ACACA: variants seen among roughly 807,000 people sequenced by gnomAD.
ACACA encodes the protein acetyl-CoA carboxylase alpha, also known as acetyl-CoA carboxylase 1.
In ACACA, 103 loss-of-function variants were observed where a neutral mutation model predicts 296.1. The ratio of observed to expected loss-of-function variants is 0.35; its 90% CI spans 0.30 to 0.41. The LOEUF is 0.41. Among genes scored for constraint, ACACA ranks in the 10% least tolerant of loss-of-function variants. The pLI is 1.00. For synonymous variants in ACACA, 953 were observed against 1,038.6 expected (o/e 0.92, Z 1.58); for missense variants, 1,554 against 2,989.7 (o/e 0.52, Z 11.20).
chr17:37,135,333 T>C (rs2075286996), intron 45 of ACACA, among the ~76,000 whole-genome samples: 1 of 152,222 alleles, frequency 6.6e-6, no homozygotes, highest in Non-Finnish European at 1.5e-5. Flanking sequence ...CCCCACTTTA[T>C]TGCCACTACT....
In ACACA at chr17:37,177,269, C is replaced by CGTGTGT. The variant is rs112439511; in HGVS notation, c.5079+1985_5079+1990dup. ...AAAAACCTTTAATTTTTAAAAAATT[C>CGTGTGT]GTGTGTGTGTGTGTGTGTGTGTGTG... On this transcript the variant is annotated intron_variant, in intron 41 of 55. Transcript: ENST00000616317. 3.2e-3 allele frequency among the ~76,000 whole-genome samples: 468 copies of CGTGTGT among 146,528 alleles called. 1 individual carries two copies. Among genetic ancestry groups the CGTGTGT allele is most frequent in the African/African-American group, 0.01 (402 of 39,932 alleles).
At chr17:37,391,653 C>G in intron 1 of ACACA, 1 of 1,613,684 alleles carries the variant, frequency 6.2e-7, no homozygotes, top group Non-Finnish European at 8.5e-7. Flanking sequence ...CTAGGTTGGA[C>G]AAGATGCTGC....
chr17:37,258,088 G>C, intron 13 of ACACA, 124 bp downstream of exon 13: 1 of 1,289,994 alleles, frequency 7.8e-7, no homozygotes, highest in Non-Finnish European at 1.1e-6. Flanking sequence ...TATCTGCTCT[G>C]AGAAACCTCT....
chr17:37,263,206 G>T (rs908679860), intron 11 of ACACA, among the ~76,000 whole-genome samples: 1 of 152,200 alleles, frequency 6.6e-6, no homozygotes, highest in East Asian at 1.9e-4. Flanking sequence ...CTAAACTATA[G>T]TTATTCCGAA....
chr17:37,319,253 C>G (rs1193052355), intron 3 of ACACA, among the ~76,000 whole-genome samples: 1 of 151,670 alleles, frequency 6.6e-6, no homozygotes, highest in Non-Finnish European at 1.5e-5. Flanking sequence ...TTTCAGGTTC[C>G]TTGGAGAAAT....
intron 52 of ACACA, among the ~76,000 whole-genome samples, chr17:37,102,963 C>A (rs1231770616): frequency 6.6e-6 from 1 of 152,066 alleles, no homozygotes; most frequent in East Asian, 1.9e-4. Flanking sequence ...AGACCCACCT[C>A]AAAAAAGCAT....
intron 28 of ACACA, among the ~76,000 whole-genome samples, chr17:37,223,253 C>T (rs1402216289): frequency 1.3e-5 from 2 of 152,258 alleles, no homozygotes; most frequent in Admixed American, 6.5e-5. Flanking sequence ...AATTCAAATA[C>T]CTGGAAAATA....
chr17:37,225,516 G>A, intron 26 of ACACA: 1 of 192,498 alleles, frequency 5.2e-6, no homozygotes, highest in East Asian at 1.5e-4. Context: ...TTACAACTCT[G>A]AAGTAGAAAG....
At position 37,143,933 on chromosome 17, in the gene ACACA, TGGA is replaced by T. The variant is rs1377644159; in HGVS notation, c.5679+5928_5679+5930del. ...CCCAGTTTCTTTGCAACATCACCAA[TGGA>T]CAAGCCAGGATGTTCTCCTTTGATT... On this transcript the variant is annotated intron_variant, in intron 45 of 55. Transcript: ENST00000616317. The T allele has an allele frequency of 5.2e-6, 6 of 1,155,570 alleles. No homozygotes were observed. The African/African-American group carries it at 9.1e-5, about 17-fold the overall frequency. The allele number at this position is 1,155,570 out of a possible 1,614,324, so 71.6% of individuals were successfully genotyped here.
chr17:37,139,950 T>A (rs958405568), intron 45 of ACACA, among the ~76,000 whole-genome samples: 1 of 152,226 alleles, frequency 6.6e-6, no homozygotes, highest in Non-Finnish European at 1.5e-5. Flanking sequence ...ATCACAAAAC[T>A]GGGAGTTTCT....
intron 3 of ACACA, among the ~76,000 whole-genome samples, chr17:37,289,032 GC>G (rs1417995769): frequency 1.4e-4 from 21 of 152,212 alleles, no homozygotes; most frequent in Non-Finnish European, 4.4e-5. Flanking sequence ...GGAGGCTGAG[GC>G]GGATGGATCA....
At chr17:37,292,092 T>C (rs1332197792) in intron 3 of ACACA, among the ~76,000 whole-genome samples, 1 of 152,122 alleles carries the variant, frequency 6.6e-6, no homozygotes, top group Non-Finnish European at 1.5e-5. Flanking sequence ...CGGAAATGTG[T>C]TACCTGTTCA....
intron 23 of ACACA, among the ~76,000 whole-genome samples, chr17:37,240,993 G>A (rs921975148): frequency 6.6e-6 from 1 of 152,074 alleles, no homozygotes; most frequent in African/African-American, 2.4e-5. Flanking sequence ...AGGAGCTCCA[G>A]ACCAGCCTAG....
chr17:37,094,805 C>T (rs2142634243), intron 54 of ACACA, among the ~76,000 whole-genome samples: 1 of 152,356 alleles, frequency 6.6e-6, no homozygotes, highest in East Asian at 1.9e-4. Context: ...CTTGGCATTC[C>T]TCTCAGAGAA....
chr17:37,219,373 T>C (rs925214615), intron 29 of ACACA, among the ~76,000 whole-genome samples: 2 of 152,094 alleles, frequency 1.3e-5, no homozygotes, highest in Non-Finnish European at 2.9e-5. Context: ...AATAAAACTG[T>C]AGTGCTTGAA....
intron 3 of ACACA, among the ~76,000 whole-genome samples, chr17:37,293,462 A>G (rs1598418783): frequency 6.6e-6 from 1 of 152,150 alleles, no homozygotes; most frequent in African/African-American, 2.4e-5. Flanking sequence ...TTGTAGAAAC[A>G]TATTTCCCCA....
At chr17:37,320,033 G>C (rs997730333) in intron 3 of ACACA, among the ~76,000 whole-genome samples, 1 of 152,122 alleles carries the variant, frequency 6.6e-6, no homozygotes, top group African/African-American at 2.4e-5. Flanking sequence ...GACTGAGCAA[G>C]AGGATTGCTT....
At chr17:37,268,256 A>C (rs563139474) in intron 10 of ACACA, among the ~76,000 whole-genome samples, 2 of 152,308 alleles carry the variant, frequency 1.3e-5, no homozygotes, top group African/African-American at 4.8e-5. Flanking sequence ...CTGTAAGAAA[A>C]ATTAATAGAA....
At chr17:37,365,955 T>A (rs890045472) in intron 1 of ACACA, among the ~76,000 whole-genome samples, 9 of 152,188 alleles carry the variant, frequency 5.9e-5, no homozygotes, top group Admixed American at 5.2e-4. Flanking sequence ...AATATATATG[T>A]TTTTAAGATC....
Sources: allele counts gnomAD v4.1 joint callset (sites outside exome capture counted in the v4.1 genomes callset), GRCh38; gene constraint gnomAD v4.1.1; transcripts MANE v1.5; gene names NCBI Gene and HGNC (gene_info 2026-07-23, HGNC 2026-07-21).